The following NAV2 variants were observed in gnomAD, a reference collection of about 807,000 sequenced individuals.
NAV2 encodes the protein neuron navigator 2, also known as helicase, APC down-regulated 1.
In NAV2, 54 loss-of-function variants were observed where a neutral mutation model predicts 223.2. The observed-to-expected ratio is 0.24, with a 90% confidence interval of 0.19 to 0.30. The LOEUF (loss-of-function observed/expected upper bound fraction) is 0.30, where lower values mean the gene tolerates loss of function less well. Among genes scored for constraint, NAV2 ranks in the 10% least tolerant of loss-of-function variants. NAV2 has a pLI of 1.00. For synonymous variants in NAV2, 1,279 were observed against 1,239.3 expected, an observed-to-expected ratio of 1.03 and a Z score of -0.67; for missense variants, 2,806 against 3,147.5, an observed-to-expected ratio of 0.89 and a Z score of 2.60.
chr11:19,559,043 GC>G, intron 1 of NAV2, among the ~76,000 whole-genome samples: 1 of 152,326 alleles, frequency 6.6e-6, no homozygotes, highest in South Asian at 2.1e-4. Flanking sequence ...TACAAAGCCA[GC>G]CCAGATTTAA....
In NAV2 at chr11:19,892,580, G is replaced by T. The variant is rs2041593441; in HGVS notation, c.917G>T (p.Ser306Ile). 1.2e-6 allele frequency: 2 copies of T among 1,613,636 alleles called. No homozygotes were observed. The change falls in exon 6 of 38, where the codon AGC becomes ATC. Residue 306 changes from serine (S) to isoleucine (I), a missense_variant. By Grantham distance (142) the Ser-to-Ile change is moderately radical. This residue lies in a region of NAV2 where 1,167 missense variants were observed against 1,180.5 expected (regional missense o/e 0.99). Coordinates refer to ENST00000349880, the MANE Select transcript of NAV2 (RefSeq NM_145117.5). ...GTCACCTCCCCACCCCCACCGCCAA[G>T]CAGCCACGAGAAAGGTGAGTCACCT... ...KPVTSPPPPP[S>I]SHEKEPLASS...
At chr11:20,090,782 C>T (rs1592097739) in intron 26 of NAV2, 83 bp from the exon 27 acceptor site, 1 of 1,463,124 alleles carries the variant, frequency 6.8e-7, no homozygotes, top group South Asian at 1.3e-5. Flanking sequence ...TACTGCTAAA[C>T]AAACCTGATG....
chr11:19,803,569 C>A (rs2058386657), intron 1 of NAV2, among the ~76,000 whole-genome samples: 2 of 152,210 alleles, frequency 1.3e-5, no homozygotes, highest in African/African-American at 4.8e-5. Flanking sequence ...GTCATCCCTG[C>A]CTCAAAGGAT....
At chr11:19,516,604 G>A (rs555238932) in intron 1 of NAV2, among the ~76,000 whole-genome samples, 2 of 152,346 alleles carry the variant, frequency 1.3e-5, no homozygotes, top group East Asian at 3.9e-4. Flanking sequence ...TGGGACAGGA[G>A]CATGAGGGTT....
Position 19,591,023 on chromosome 11 carries a change from C to T in NAV2, c.75+239996C>T, listed in dbSNP as rs1034253338. On this transcript the variant is annotated intron_variant, in intron 1 of 37. Transcript: ENST00000360655. ...AGGGTCTAATTCTTCAAATAATTCACTTTAGGGCCCTAGCAGTTGAATTGT... is the reference window on the plus strand; with the variant it reads ...AGGGTCTAATTCTTCAAATAATTCATTTTAGGGCCCTAGCAGTTGAATTGT... 3 of 152,186 alleles carry T rather than the reference C, an allele frequency of 2.0e-5. No homozygotes were observed. In the South Asian group the frequency reaches 6.2e-4, roughly 32 times the overall value. The allele number at this position is 152,186 out of a possible 1,614,324, so 9.4% of individuals were successfully genotyped here.
chr11:19,713,575 T>C lies in NAV2; in HGVS notation c.-121T>C. ...ACCTGGGGATTTTTTTTTTAGCCGCTGGTGGTGGGCGCCTCGTGGGCTAAG... is the reference window on the plus strand; with the variant it reads ...ACCTGGGGATTTTTTTTTTAGCCGCCGGTGGTGGGCGCCTCGTGGGCTAAG... On this transcript the variant is annotated 5_prime_UTR_variant, in exon 1 of 38. Transcript: ENST00000349880. The surrounding 1 kb of genome is among the most constrained non-coding windows in gnomAD (Gnocchi z 7.2). 7.1e-7 allele frequency: 1 copy of C among 1,399,998 alleles called. No homozygotes were observed. 86.7% of individuals were successfully genotyped at this position (1,399,998 alleles called of 1,614,324 possible).
chr11:19,794,233 G>A (rs1023033136), intron 1 of NAV2, among the ~76,000 whole-genome samples: 4 of 152,196 alleles, frequency 2.6e-5, no homozygotes, highest in African/African-American at 7.2e-5. Context: ...TGTGCTCGGC[G>A]TTGTAAGGAG....
At chr11:19,899,262 C>T (rs959590432) in intron 6 of NAV2, among the ~76,000 whole-genome samples, 27 of 152,192 alleles carry the variant, frequency 1.8e-4, no homozygotes, top group Admixed American at 7.2e-4. Context: ...TAACCTTCAG[C>T]ACTATGTCAT....
At chr11:19,888,141 A>C (rs937808669) in intron 5 of NAV2, among the ~76,000 whole-genome samples, 1 of 152,122 alleles carries the variant, frequency 6.6e-6, no homozygotes, top group Non-Finnish European at 1.5e-5. Flanking sequence ...CTTAAGCTTA[A>C]TATTTTAAAA....
At chr11:20,043,110 G>C (rs984206031) in intron 12 of NAV2, among the ~76,000 whole-genome samples, 1 of 152,188 alleles carries the variant, frequency 6.6e-6, no homozygotes, top group African/African-American at 2.4e-5. Flanking sequence ...GGGGGAAGTA[G>C]CATTTGAGGA....
chr11:19,627,927 AAGAAG>A lies in NAV2; in HGVS notation c.76-204555_76-204551del, dbSNP rs758049207. ...TCCTTGTTTTCAAAAAAAAAAAAAA[AAGAAG>A]AAGAAGAAGAAGAAGAGATAATGAT... On this transcript the variant is annotated intron_variant, in intron 1 of 37. Coordinates refer to the NAV2 transcript ENST00000360655. Among the ~76,000 whole-genome samples, 24 of 128,612 alleles carry A rather than the reference AAGAAG, an allele frequency of 1.9e-4. No homozygotes were observed. The South Asian group carries it at 3.2e-3, about 17-fold the overall frequency. The allele number at this position is 128,612 out of a possible 152,430, so 84.4% of individuals were successfully genotyped here.
intron 1 of NAV2, among the ~76,000 whole-genome samples, chr11:19,630,450 G>A (rs1160290253): frequency 6.6e-6 from 1 of 152,176 alleles, no homozygotes; most frequent in African/African-American, 2.4e-5. Context: ...GGAACCCTAG[G>A]GTTCCAAGAA....
intron 1 of NAV2, among the ~76,000 whole-genome samples, chr11:19,654,358 C>A (rs2048055925): frequency 2.0e-5 from 3 of 152,178 alleles, no homozygotes; most frequent in African/African-American, 4.8e-5. Context: ...ATCAAGCTAC[C>A]AATGACTTTC....
chr11:19,645,178 T>C (rs1020507707), intron 1 of NAV2, among the ~76,000 whole-genome samples: 1 of 152,192 alleles, frequency 6.6e-6, no homozygotes, highest in Non-Finnish European at 1.5e-5. Context: ...ATTTGCCCTT[T>C]ACAGATTCTA....
intron 6 of NAV2, among the ~76,000 whole-genome samples, chr11:19,929,726 C>T (rs1174546089): frequency 6.6e-6 from 1 of 152,122 alleles, no homozygotes; most frequent in Non-Finnish European, 1.5e-5. Context: ...TCTCTGTTAC[C>T]TTAAATATGA....
At chr11:19,423,052 T>C (rs1850682479) in intron 1 of NAV2, among the ~76,000 whole-genome samples, 1 of 152,256 alleles carries the variant, frequency 6.6e-6, no homozygotes, top group Admixed American at 6.5e-5. Flanking sequence ...AAGGTTATAA[T>C]ATTTAAATTA....
intron 10 of NAV2, among the ~76,000 whole-genome samples, chr11:19,966,402 A>G (rs1418486384): frequency 6.6e-6 from 1 of 152,178 alleles, no homozygotes; most frequent in East Asian, 1.9e-4. Flanking sequence ...AGTGCCTAGC[A>G]CAGAGCATGG....
chr11:19,896,330 C>T lies in NAV2; in HGVS notation c.931+3736C>T, dbSNP rs1160107726. ...ATTAAACAATAACTCTCCTTCACCA[C>T]CTCCCACCAGCAGCCCCTAGCAACC... On this transcript the variant is annotated intron_variant, in intron 6 of 37. Coordinates refer to ENST00000349880, the MANE Select transcript of NAV2 (RefSeq NM_145117.5). Among the ~76,000 whole-genome samples the T allele has an allele frequency of 3.3e-5, 5 of 152,136 alleles. 1 individual carries two copies. The highest frequency in any genetic ancestry group is 1.2e-4 in the African/African-American group (5 of 41,424).
At chr11:19,765,432 C>T (rs546607418) in intron 1 of NAV2, among the ~76,000 whole-genome samples, 2 of 146,766 alleles carry the variant, frequency 1.4e-5, no homozygotes, top group African/African-American at 5.1e-5. Flanking sequence ...TCTCCTCCTC[C>T]TCCTTCTTCT....
Sources: allele counts gnomAD v4.1 joint callset (sites outside exome capture counted in the v4.1 genomes callset), GRCh38; gene constraint gnomAD v4.1.1; regional missense constraint gnomAD v4.1.1; non-coding constraint Gnocchi (gnomAD v3.1); transcripts MANE v1.5; gene names NCBI Gene and HGNC (gene_info 2026-07-23, HGNC 2026-07-21).